Variants in ADGRB2 observed in about 807,000 individuals in gnomAD.
ADGRB2 encodes the protein adhesion G protein-coupled receptor B2.
Under a neutral mutation model 178.7 loss-of-function variants are expected in ADGRB2, and 47 were observed. That is an observed-to-expected ratio of 0.26 (90% CI 0.21 to 0.34). The LOEUF (loss-of-function observed/expected upper bound fraction) is 0.34. Ranked by LOEUF, ADGRB2 falls within the 10% of genes least tolerant of loss-of-function variation. The pLI, the probability that ADGRB2 is intolerant of heterozygous loss-of-function variation, is 1.00. For synonymous variants in ADGRB2, 870 were observed against 912.4 expected, an observed-to-expected ratio of 0.95 and a Z score of 0.84; for missense variants, 1,584 against 2,180.8, an observed-to-expected ratio of 0.73 and a Z score of 5.45.
intron 25 of ADGRB2, among the ~76,000 whole-genome samples, chr1:31,734,249 T>C (rs1645449339): frequency 6.6e-6 from 1 of 152,166 alleles, no homozygotes; most frequent in African/African-American, 2.4e-5. Context: ...TTTACATATA[T>C]TACTTCAAAT....
rs779927149 is a variant in ADGRB2, at chr1:31,742,146, G to A, written c.1324C>T (p.Arg442Cys). 1 of 1,613,508 alleles carries A rather than the reference G, an allele frequency of 6.2e-7. No homozygotes were observed. The highest frequency in any genetic ancestry group is 8.5e-7 in the Non-Finnish European group (1 of 1,179,942). The stretch of plus-strand genomic sequence containing the variant: ...CCCGCCACGCTGCACTTCCGGCTGC[G>A]CTGTTGGGTCCCATTGGCACAGGAC... ...STSCANGTQQ[R>C]SRKCSVAGPA... Residue 442 changes from arginine to cysteine, a missense_variant, in exon 8 of 33, where the codon CGC (arginine) becomes TGC (cysteine). This residue lies in a region of ADGRB2 where 657 missense variants were observed against 847.6 expected (regional missense o/e 0.78). Transcript: ENST00000373658.
Position 31,741,308 on chromosome 1 carries a change from C to T in ADGRB2, c.1794+65G>A. The T allele has an allele frequency of 6.8e-7, 1 of 1,475,372 alleles. No individual in the cohort carries two copies. Among genetic ancestry groups the T allele is most frequent in the Non-Finnish European group, 9.3e-7 (1 of 1,080,702 alleles). The allele number at this position is 1,475,372 out of a possible 1,614,324, so 91.4% of individuals were successfully genotyped here. On this transcript the variant is annotated intron_variant, in intron 11 of 32. Coordinates refer to ENST00000373658, the MANE Select transcript of ADGRB2 (RefSeq NM_001364857.2). This position sits in a 1 kb window ranked among gnomAD's most constrained non-coding sequence, Gnocchi z 6.5. ...GTGGGAACGAGCGAGAATCACGCTCCCTCCACCCCCTAGCAGAGTCTGAGA... is the reference window on the plus strand; with the variant it reads ...GTGGGAACGAGCGAGAATCACGCTCTCTCCACCCCCTAGCAGAGTCTGAGA...
rs186682337 is a variant in ADGRB2 at position 31,738,340 on chromosome 1, G to A, written c.2646-14C>T. The A allele has an allele frequency of 5.8e-4, 939 of 1,608,716 alleles. 6 individuals are homozygous for A. Among genetic ancestry groups the A allele is most frequent in the South Asian group, 3.2e-3 (289 of 91,014 alleles). On this transcript the variant is annotated splice_polypyrimidine_tract_variant and intron_variant, in intron 17 of 32. Coordinates refer to ENST00000373658, the MANE Select transcript of ADGRB2 (RefSeq NM_001364857.2). ...GAGCTGGCATCTCTTGGGTAGGGGA[G>A]AGATTCAGTGAGCCCCAGGCCAGCT...
chr1:31,738,134 A>G, intron 18 of ADGRB2, 66 bp downstream of exon 18: 2 of 1,590,442 alleles, frequency 1.3e-6, no homozygotes, highest in Non-Finnish European at 8.6e-7. Flanking sequence ...CAACACCATC[A>G]CTGATGGCTG....
chr1:31,744,819 C>G lies in ADGRB2; in HGVS notation c.839-88G>C. ...CAGTGAAGGCAGCCTTCCTTGCCCTCCGCCTGAGGGCCTGGAACCAACTGC... is the reference window on the plus strand; with the variant it reads ...CAGTGAAGGCAGCCTTCCTTGCCCTGCGCCTGAGGGCCTGGAACCAACTGC... On this transcript the variant is annotated intron_variant, in intron 4 of 32. Transcript: ENST00000373658. This position sits in a 1 kb window ranked among gnomAD's most constrained non-coding sequence, Gnocchi z 6.7. 4.4e-6 allele frequency: 6 copies of G among 1,361,194 alleles called. No individual in the cohort carries two copies. In the South Asian group the frequency reaches 7.2e-5, roughly 16 times the overall value. 84.3% of individuals were successfully genotyped at this position (1,361,194 alleles called of 1,614,324 possible). A position where few individuals can be genotyped will look rare whatever the true frequency, so the allele number is the denominator to read the frequency against.
Position 31,736,652 on chromosome 1 carries a change from C to G in ADGRB2, c.3051G>C (p.Glu1017Asp). The change falls in exon 21 of 33, where the codon GAG becomes GAC. Residue 1017 changes from glutamate (E) to aspartate (D), a missense_variant. Physicochemically the swap from Glu to Asp is conservative, Grantham distance 45 (BLOSUM62 2). Around this residue, in one of 3 missense-constraint regions of ADGRB2, gnomAD observed 865 missense variants for 1,192.8 expected, o/e 0.73. Transcript: ENST00000373658. ...FLSSFCWVLT[E>D]AWQSYLAVIG... ...TGACAGCCAGGTAGGACTGCCAGGCCTCGGTAAGCACCCAGCAAAAGGAGG... is the reference window on the plus strand; with the variant it reads ...TGACAGCCAGGTAGGACTGCCAGGCGTCGGTAAGCACCCAGCAAAAGGAGG... The G allele has an allele frequency of 6.2e-7, 1 of 1,614,124 alleles. No individual in the cohort carries two copies. Among genetic ancestry groups the G allele is most frequent in the Non-Finnish European group, 8.5e-7 (1 of 1,179,986 alleles).
At chr1:31,732,908 G>C (rs1432385697) in intron 26 of ADGRB2, 64 bp downstream of exon 26, 1 of 1,515,120 alleles carries the variant, frequency 6.6e-7, no homozygotes, top group Non-Finnish European at 8.9e-7. Context: ...TCTGCACAGT[G>C]AGGAGAAGCC....
rs1645560662 is a variant in ADGRB2 at position 31,735,608 on chromosome 1, A to G, written c.3325T>C (p.Ser1109Pro). Reference sequence around the variant, plus strand: ...GCCCTCTGCTTCTTGGATTTGTCGGAGATGCCATCACGTGCCATGAGCTTG... The same window carrying G: ...GCCCTCTGCTTCTTGGATTTGTCGGGGATGCCATCACGTGCCATGAGCTTG... ...FNKLMARDGI[S>P]DKSKKQRAGS... Residue 1109 changes from serine to proline, a missense_variant, in exon 24 of 33, where the codon TCC becomes CCC. Around this residue, in one of 3 missense-constraint regions of ADGRB2, gnomAD observed 865 missense variants for 1,192.8 expected, o/e 0.73. Coordinates refer to ENST00000373658, the MANE Select transcript of ADGRB2 (RefSeq NM_001364857.2). This position sits in a 1 kb window ranked among gnomAD's most constrained non-coding sequence, Gnocchi z 6.0. 6.2e-7 allele frequency: 1 copy of G among 1,613,594 alleles called. No homozygotes were observed. The highest frequency in any genetic ancestry group is 1.1e-5 in the South Asian group (1 of 91,016).
Position 31,742,126 on chromosome 1 carries a change from C to A in ADGRB2, c.1344G>T (p.Val448=). 1 of 1,613,538 alleles carries A rather than the reference C, an allele frequency of 6.2e-7. No individual in the cohort carries two copies. The highest frequency in any genetic ancestry group is 8.5e-7 in the Non-Finnish European group (1 of 1,179,932). The stretch of plus-strand genomic sequence containing the variant: ...TGCATGTGGCCCAGGCTGGGCCCGC[C>A]ACGCTGCACTTCCGGCTGCGCTGTT... ...GTQQRSRKCS[V]AGPAWATCTG... The change falls in exon 8 of 33, where the codon GTG becomes GTT. Residue 448 remains valine, a synonymous_variant. Transcript: ENST00000373658.
rs1396899207 is a variant in ADGRB2 at position 31,758,413 on chromosome 1, C to G, written c.-190-902G>C. 2.0e-5 allele frequency among the ~76,000 whole-genome samples: 3 copies of G among 152,198 alleles called. No individual in the cohort carries two copies. In the East Asian group the frequency reaches 5.8e-4, roughly 29 times the overall value. ...CAGCTATTAGCTCTGGGGACTGAAT[C>G]AGAAACACAGGACAATTCACAGGTA... is the stretch of plus-strand genomic sequence containing the variant. On this transcript the variant is annotated intron_variant, in intron 1 of 32. Coordinates refer to ENST00000373658, the MANE Select transcript of ADGRB2 (RefSeq NM_001364857.2). The surrounding 1 kb of genome is among the most constrained non-coding windows in gnomAD (Gnocchi z 4.2).
At chr1:31,751,910 A>G (rs1387042307) in intron 4 of ADGRB2, among the ~76,000 whole-genome samples, 1 of 152,156 alleles carries the variant, frequency 6.6e-6, no homozygotes, top group Non-Finnish European at 1.5e-5. Flanking sequence ...TTTGTTAGGC[A>G]TCTACCATGT....
In ADGRB2 at chr1:31,727,980, G is replaced by C; in HGVS notation, c.4572+45C>G. On this transcript the variant is annotated intron_variant, in intron 32 of 32. Coordinates refer to ENST00000373658, the MANE Select transcript of ADGRB2 (RefSeq NM_001364857.2). The surrounding 1 kb of genome is among the most constrained non-coding windows in gnomAD (Gnocchi z 4.4). ...GGGGCAGGAGGGCAGGGAGGGCACG[G>C]GTCCCTCAGGCCCACCTCACCCCAC... 1.3e-6 allele frequency: 2 copies of C among 1,522,126 alleles called. No individual in the cohort carries two copies. The highest frequency in any genetic ancestry group is 1.2e-5 in the South Asian group (1 of 81,750). The allele number at this position is 1,522,126 out of a possible 1,614,324, so 94.3% of individuals were successfully genotyped here.
At position 31,728,610 on chromosome 1, in the gene ADGRB2, G is replaced by T; in HGVS notation, c.4404C>A (p.Asp1468Glu). Residue 1468 changes from aspartate to glutamate, a missense_variant, in exon 30 of 33, where the codon GAC becomes GAA. By Grantham distance (45) the Asp-to-Glu change is conservative. This residue lies in a region of ADGRB2 where 865 missense variants were observed against 1,192.8 expected (regional missense o/e 0.73). Transcript: ENST00000373658. The surrounding 1 kb of genome is among the most constrained non-coding windows in gnomAD (Gnocchi z 6.7). ...SLERKKLRYS[D>E]LDFEKVMHTR... Reference sequence around the variant, plus strand: ...ACATGGCCCTTACCTCAAAGTCCAGGTCTGAATACCGTAATTTCTTTCGCT... The same window carrying T: ...ACATGGCCCTTACCTCAAAGTCCAGTTCTGAATACCGTAATTTCTTTCGCT... 6.2e-7 allele frequency: 1 copy of T among 1,614,078 alleles called. No individual in the cohort carries two copies. The highest frequency in any genetic ancestry group is 8.5e-7 in the Non-Finnish European group (1 of 1,179,992).
chr1:31,728,024 C>G lies in ADGRB2; in HGVS notation c.4572+1G>C. 6.4e-7 allele frequency: 1 copy of G among 1,563,782 alleles called. No homozygotes were observed. The highest frequency in any genetic ancestry group is 8.6e-7 in the Non-Finnish European group (1 of 1,159,172). On this transcript the variant is annotated splice_donor_variant, in intron 32 of 32. Transcript: ENST00000373658. LOFTEE classifies it high-confidence loss of function. The surrounding 1 kb of genome is among the most constrained non-coding windows in gnomAD (Gnocchi z 6.7). ...ACCCCACCCAGCCCGGGGGGACTCA[C>G]GGTGCACACGCTCCGCTCGGCTGCC...
In ADGRB2 at chr1:31,744,135, A is replaced by G. The variant is rs957496980; in HGVS notation, c.1087+58T>C. ...ACCATTTTGGAGATTAATCTGCCCA[A>G]GTCCCAGGCAGGACCTAACCCTGCA... On this transcript the variant is annotated intron_variant, in intron 6 of 32. Coordinates refer to ENST00000373658, the MANE Select transcript of ADGRB2 (RefSeq NM_001364857.2). The surrounding 1 kb of genome is among the most constrained non-coding windows in gnomAD (Gnocchi z 6.7). The G allele has an allele frequency of 6.8e-7, 1 of 1,464,270 alleles. No individual in the cohort carries two copies. The highest frequency in any genetic ancestry group is 2.5e-5 in the East Asian group (1 of 39,786). The allele number at this position is 1,464,270 out of a possible 1,614,324, so 90.7% of individuals were successfully genotyped here. A position where few individuals can be genotyped will look rare whatever the true frequency, so the allele number is the denominator to read the frequency against.
rs986414963 is a variant in ADGRB2, at chr1:31,729,389, G to A, written c.4381-756C>T. On this transcript the variant is annotated intron_variant, in intron 29 of 32. Transcript: ENST00000373658. ...GGCATGCTCACCACCATGGGCCCAT[G>A]GCATTCACTCTCCTGGTTTTCCTCT... Among the ~76,000 whole-genome samples, 7 of 152,186 alleles carry A rather than the reference G, an allele frequency of 4.6e-5. No homozygotes were observed. In the East Asian group the frequency reaches 1.4e-3, roughly 29 times the overall value.
Position 31,761,177 on chromosome 1 carries a change from A to T in ADGRB2, c.-191+2707T>A, listed in dbSNP as rs1468581383. On this transcript the variant is annotated intron_variant, in intron 1 of 32. Coordinates refer to ENST00000373658, the MANE Select transcript of ADGRB2 (RefSeq NM_001364857.2). The surrounding 1 kb of genome is among the most constrained non-coding windows in gnomAD (Gnocchi z 4.2). ...CTGCCGGGGCAGGCGGGTGATGAGG[A>T]GGCTGCCACTCCCCGGTGGGACCCA... is the stretch of plus-strand genomic sequence containing the variant. Among the ~76,000 whole-genome samples, 2 of 152,120 alleles carry T rather than the reference A, an allele frequency of 1.3e-5. No homozygotes were observed. Among genetic ancestry groups the T allele is most frequent in the Admixed American group, 1.3e-4 (2 of 15,280 alleles).
At chr1:31,732,935 TG>T in intron 26 of ADGRB2, 36 bp downstream of exon 26, 1 of 1,541,378 alleles carries the variant, frequency 6.5e-7, no homozygotes. Context: ...CTGGCAGGTG[TG>T]GTGGGCACAC....
chr1:31,741,050 G>A lies in ADGRB2; in HGVS notation c.1794+323C>T, dbSNP rs939600555. On this transcript the variant is annotated intron_variant, in intron 11 of 32. Coordinates refer to ENST00000373658, the MANE Select transcript of ADGRB2 (RefSeq NM_001364857.2). This position sits in a 1 kb window ranked among gnomAD's most constrained non-coding sequence, Gnocchi z 6.5. ...CTACTCTTACCCCATGACTGGCCCT[G>A]GGCTGGATGCTGGGGACACAAAAAT... Among the ~76,000 whole-genome samples, 1 of 152,094 alleles carries A rather than the reference G, an allele frequency of 6.6e-6. No individual in the cohort carries two copies. Among genetic ancestry groups the A allele is most frequent in the Admixed American group, 6.5e-5 (1 of 15,290 alleles).
Sources: gnomAD v4.1 joint callset for allele counts (sites outside exome capture counted in the v4.1 genomes callset) on GRCh38, gnomAD v4.1.1 for gene constraint, gnomAD v4.1.1 regional missense constraint, Gnocchi (gnomAD v3.1) non-coding constraint, MANE v1.5 for transcripts, NCBI Gene and HGNC (gene_info 2026-07-23, HGNC 2026-07-21) for gene names.